The following TSC2 variants were observed in gnomAD, a reference collection of about 807,000 sequenced individuals.
The protein encoded by TSC2 is TSC complex subunit 2, also known as tuberin.
TSC2 carries 29 observed loss-of-function variants against 202.2 expected under a neutral mutation model. The ratio of observed to expected loss-of-function variants is 0.14; its 90% CI spans 0.11 to 0.20. The LOEUF (loss-of-function observed/expected upper bound fraction) is 0.20. Ranked by LOEUF, TSC2 falls within the 10% of genes least tolerant of loss-of-function variation. The pLI, the probability that TSC2 is intolerant of heterozygous loss-of-function variation, is 1.00. For missense variants in TSC2, 2,429 were observed against 2,420.0 expected, an observed-to-expected ratio of 1.00 and a Z score of -0.08; for synonymous variants, 1,349 against 1,044.0, an observed-to-expected ratio of 1.29 and a Z score of -5.63.
chr16:2,079,768 T>A lies in TSC2; in HGVS notation c.3397+99T>A, dbSNP rs566967205. On this transcript the variant is annotated intron_variant, in intron 29 of 41. Transcript: ENST00000219476. This position sits in a 1 kb window ranked among gnomAD's most constrained non-coding sequence, Gnocchi z 4.6. Reference sequence around the variant, plus strand: ...AAGGCCCCGAGCCCAGGGGCCGGGGTGGCTGGCTTCAGGCCCGGCCCACGT... The same window carrying A: ...AAGGCCCCGAGCCCAGGGGCCGGGGAGGCTGGCTTCAGGCCCGGCCCACGT... 1.5e-6 allele frequency: 2 copies of A among 1,305,374 alleles called. No individual in the cohort carries two copies. The highest frequency in any genetic ancestry group is 4.5e-5 in the Admixed American group (2 of 44,268). The allele number at this position is 1,305,374 out of a possible 1,614,324, so 80.9% of individuals were successfully genotyped here.
intron 22 of TSC2, 186 bp downstream of exon 22, chr16:2,074,575 C>T: frequency 1.4e-6 from 1 of 702,000 alleles, no homozygotes. Flanking sequence ...TGAGGGGCGG[C>T]TCCTCTCACC....
chr16:2,061,965 A>G lies in TSC2; in HGVS notation c.1214A>G (p.Glu405Gly), dbSNP rs1057518321. Residue 405 changes from glutamate (E) to glycine (G), a missense_variant, in exon 12 of 42, where the codon GAG (glutamate) becomes GGG (glycine). Glu to Gly is a moderately conservative substitution (Grantham distance 98, BLOSUM62 -2). Transcript: ENST00000219476. Reference sequence around the variant, plus strand: ...CAGAACGAGTTCCACGGGTCTCAGGAGAGATACTTTGAACTGGTGGAGAGA... The same window carrying G: ...CAGAACGAGTTCCACGGGTCTCAGGGGAGATACTTTGAACTGGTGGAGAGA... ...CDQNEFHGSQ[E>G]RYFELVERCA... is the part of the protein sequence containing the mutation. 6.2e-7 allele frequency: 1 copy of G among 1,614,156 alleles called. No homozygotes were observed. Among genetic ancestry groups the G allele is most frequent in the Non-Finnish European group, 8.5e-7 (1 of 1,180,018 alleles).
intron 25 of TSC2, 140 bp downstream of exon 25, chr16:2,076,725 T>C: frequency 1.1e-6 from 1 of 872,290 alleles, no homozygotes; most frequent in Non-Finnish European, 1.8e-6. Context: ...GGGCAGGACC[T>C]GCAAGGGCCG....
Position 2,084,224 on chromosome 16 carries a change from C to T in TSC2, c.4006-4C>T, listed in dbSNP as rs772258522. On this transcript the variant is annotated splice_region_variant and splice_polypyrimidine_tract_variant and intron_variant, in intron 33 of 41. Coordinates refer to ENST00000219476, the MANE Select transcript of TSC2 (RefSeq NM_000548.5). ...GGGGTTCTCTTTGGGATGGTCCTTT[C>T]TAGTCGTCCTCAGTCTCCAGCCAGG... is the stretch of plus-strand genomic sequence containing the variant. The T allele has an allele frequency of 2.5e-6, 4 of 1,580,084 alleles. No homozygotes were observed. The highest frequency in any genetic ancestry group is 3.4e-6 in the Non-Finnish European group (4 of 1,162,092).
intron 22 of TSC2, chr16:2,074,668 T>C (rs937724235): frequency 1.9e-6 from 1 of 527,930 alleles, no homozygotes; most frequent in South Asian, 2.0e-5. Flanking sequence ...TTGGGCCTCC[T>C]CTCTGTCCAA....
chr16:2,077,972 C>T (rs937284478), intron 26 of TSC2, among the ~76,000 whole-genome samples: 3 of 152,208 alleles, frequency 2.0e-5, no homozygotes, highest in Admixed American at 1.3e-4. Context: ...CCAGGCGTGC[C>T]GGGCAGCAGC....
At position 2,074,315 on chromosome 16, in the gene TSC2, C is replaced by A. The variant is rs940077353; in HGVS notation, c.2471C>A (p.Pro824His). 1 of 1,612,986 alleles carries A rather than the reference C, an allele frequency of 6.2e-7. No homozygotes were observed. Among genetic ancestry groups the A allele is most frequent in the African/African-American group, 1.3e-5 (1 of 74,926 alleles). The change falls in exon 22 of 42, where the codon CCT becomes CAT. Residue 824 changes from proline (P) to histidine (H), a missense_variant. Transcript: ENST00000219476. The part of the protein sequence containing the change: ...EMPDIIIKAL[P>H]VLVVKLTHIS... ...CCTGACATCATCATCAAGGCGCTGC[C>A]TGTTCTGGTGGTGAAGCTCACGCAC...
chr16:2,074,553 C>A (rs568100215), intron 22 of TSC2, 164 bp downstream of exon 22: 54 of 850,170 alleles, frequency 6.4e-5, no homozygotes, highest in Non-Finnish European at 1.0e-4. Context: ...TGAGTGCTCT[C>A]CTTCCTGGCT....
intron 20 of TSC2, 93 bp from the exon 21 acceptor site, chr16:2,072,756 C>T: frequency 6.2e-7 from 1 of 1,601,692 alleles, no homozygotes; most frequent in South Asian, 1.1e-5. Flanking sequence ...GCCCCCTTTC[C>T]TGGGCCTGCG....
chr16:2,085,369 C>T lies in TSC2; in HGVS notation c.4662+47C>T, dbSNP rs200896011. 182 of 1,600,428 alleles carry T rather than the reference C, an allele frequency of 1.1e-4. No individual in the cohort carries two copies. In the African/African-American group the frequency reaches 2.1e-3, roughly 18 times the overall value. On this transcript the variant is annotated intron_variant, in intron 36 of 41. Transcript: ENST00000219476. ...AGGTGCCTGGACAGGGCCAGCTGGG[C>T]CTCAGCCTGCAGTGGGTAGGGAGTC...
rs1230915825 is a variant in TSC2, at chr16:2,048,074, C to T, written c.-30+9C>T. ...CGGTGGCGCGGCGCGGGGTAAGTGG[C>T]GGTCCCCACGGGGCAAGTGGCGGTC... On this transcript the variant is annotated intron_variant, in intron 1 of 41. Coordinates refer to ENST00000219476, the MANE Select transcript of TSC2 (RefSeq NM_000548.5). 6.3e-6 allele frequency: 9 copies of T among 1,423,616 alleles called. No individual in the cohort carries two copies. The highest frequency in any genetic ancestry group is 1.5e-5 in the South Asian group (1 of 66,742). The allele number at this position is 1,423,616 out of a possible 1,614,324, so 88.2% of individuals were successfully genotyped here. A position where few individuals can be genotyped will look rare whatever the true frequency, so the allele number is the denominator to read the frequency against.
intron 26 of TSC2, 85 bp from the exon 27 acceptor site, chr16:2,078,947 A>G: frequency 6.3e-7 from 1 of 1,578,912 alleles, no homozygotes; most frequent in South Asian, 1.1e-5. Flanking sequence ...TCAGCCGTGC[A>G]TGCGTTGAGC....
chr16:2,054,120 C>A, intron 4 of TSC2, 176 bp from the exon 5 acceptor site: 1 of 1,001,892 alleles, frequency 1.0e-6, no homozygotes, highest in Non-Finnish European at 1.5e-6. Context: ...GCCGGTGCAT[C>A]CGGCCCCCTG....
intron 21 of TSC2, 86 bp from the exon 22 acceptor site, chr16:2,074,114 C>T (rs961351795): frequency 3.3e-5 from 51 of 1,560,174 alleles, no homozygotes; most frequent in African/African-American, 5.4e-5. Context: ...GCTGTTCTCC[C>T]GGTGGAGCAC....
At chr16:2,063,808 T>C (rs1324908636) in intron 14 of TSC2, 4 of 266,806 alleles carry the variant, frequency 1.5e-5, no homozygotes, top group Non-Finnish European at 2.9e-5. Flanking sequence ...TGTGGAACTT[T>C]TTACCTGCTT....
intron 4 of TSC2, 158 bp downstream of exon 4, chr16:2,053,610 G>A: frequency 1.3e-6 from 1 of 741,528 alleles, no homozygotes. Context: ...GGGGTCTCCT[G>A]GTGTCATGAG....
intron 26 of TSC2, chr16:2,078,161 C>CCTGGG (rs2089662359): frequency 8.3e-6 from 2 of 241,224 alleles, no homozygotes; most frequent in Non-Finnish European, 1.7e-5. Flanking sequence ...TGGGGTGGGG[C>CCTGGG]AGCCTGGGAG....
chr16:2,070,215 C>T (rs567577313), intron 16 of TSC2, among the ~76,000 whole-genome samples: 15 of 152,308 alleles, frequency 9.8e-5, no homozygotes, highest in African/African-American at 2.9e-4. Flanking sequence ...GGAGCTTCTC[C>T]ATTGAATGGA....
At chr16:2,076,778 G>A (rs1158835678) in intron 25 of TSC2, 193 bp downstream of exon 25, 8 of 621,340 alleles carry the variant, frequency 1.3e-5, no homozygotes, top group Non-Finnish European at 2.3e-5. Flanking sequence ...GTGGTGGCCT[G>A]GGTCCGGGCT....
Sources: gnomAD v4.1 joint callset for allele counts (sites outside exome capture counted in the v4.1 genomes callset) on GRCh38, gnomAD v4.1.1 for gene constraint, Gnocchi (gnomAD v3.1) non-coding constraint, MANE v1.5 for transcripts, NCBI Gene and HGNC (gene_info 2026-07-23, HGNC 2026-07-21) for gene names.